TMEM232: variants seen among roughly 807,000 people sequenced by gnomAD.
The protein encoded by TMEM232 is transmembrane protein 232.
Under a neutral mutation model 78.8 loss-of-function variants are expected in TMEM232, and 80 were observed. The observed-to-expected ratio is 1.01, with a 90% CI of 0.85 to 1.22. TMEM232 has a LOEUF of 1.22. Ranked by LOEUF, TMEM232 falls within the 50% of genes most tolerant of loss-of-function variation. The pLI is 0.00. For synonymous variants in TMEM232, 297 were observed against 254.3 expected, an observed-to-expected ratio of 1.17 and a Z score of -1.60; for missense variants, 881 against 742.2, an observed-to-expected ratio of 1.19 and a Z score of -2.17.
chr5:110,576,689 A>G (rs922196720), intron 10 of TMEM232, among the ~76,000 whole-genome samples: 1 of 152,132 alleles, frequency 6.6e-6, no homozygotes, highest in Non-Finnish European at 1.5e-5. Flanking sequence ...AAACAGATAC[A>G]TAGACCAATG....
intron 11 of TMEM232, among the ~76,000 whole-genome samples, chr5:110,550,950 A>C (rs1187577668): frequency 6.9e-6 from 1 of 145,272 alleles, no homozygotes; most frequent in Admixed American, 6.9e-5. Context: ...AAATCCAGCC[A>C]TTTTTTTTTT....
intron 11 of TMEM232, among the ~76,000 whole-genome samples, chr5:110,565,110 T>C (rs956654009): frequency 2.0e-5 from 3 of 151,978 alleles, no homozygotes; most frequent in Non-Finnish European, 2.9e-5. Context: ...TTCATCAACA[T>C]TTGCTGTTGA....
intron 2 of TMEM232, among the ~76,000 whole-genome samples, chr5:110,655,064 T>G (rs968392734): frequency 8.6e-5 from 13 of 151,972 alleles, no homozygotes; most frequent in African/African-American, 2.2e-4. Flanking sequence ...GGGATCTAAT[T>G]AAACTAAAGA....
chr5:110,396,916 A>G (rs1211952500), intron 3 of TMEM232, among the ~76,000 whole-genome samples: 2 of 152,156 alleles, frequency 1.3e-5, no homozygotes, highest in Non-Finnish European at 2.9e-5. Flanking sequence ...AGAAGCAAAG[A>G]GCTGAAAAAC....
intron 12 of TMEM232, 46 bp from the exon 13 acceptor site, chr5:110,424,962 C>G: frequency 7.8e-7 from 1 of 1,288,942 alleles, no homozygotes; most frequent in Non-Finnish European, 1.1e-6. Flanking sequence ...TATAGGTACT[C>G]CTATTCCCCA....
intron 2 of TMEM232, among the ~76,000 whole-genome samples, chr5:110,402,663 G>GT (rs1755645148): frequency 6.6e-6 from 1 of 152,096 alleles, no homozygotes; most frequent in South Asian, 2.1e-4. Context: ...TAGAGTGACA[G>GT]TTCTAACAAC....
rs151038765 is a variant in TMEM232 at position 110,708,944 on chromosome 5, T to C, written c.-13+17683A>G. On this transcript the variant is annotated intron_variant, in intron 1 of 13. Transcript: ENST00000455884. ...AATAAAAAAAAATATAGTGGCCGAA[T>C]GGATGAAAAAACAAGACCTAATGAT... 1.1e-3 allele frequency among the ~76,000 whole-genome samples: 169 copies of C among 151,952 alleles called. 2 individuals carry two copies. The highest frequency in any genetic ancestry group is 3.6e-3 in the African/African-American group (149 of 41,480).
At chr5:110,733,801 T>C (rs968291598) in intron 2 of TMEM232, among the ~76,000 whole-genome samples, 1 of 152,202 alleles carries the variant, frequency 6.6e-6, no homozygotes, top group African/African-American at 2.4e-5. Context: ...TTTAGCTACA[T>C]AATAAACCTG....
intron 11 of TMEM232, among the ~76,000 whole-genome samples, chr5:110,565,373 T>C (rs1375829436): frequency 3.9e-5 from 6 of 151,946 alleles, no homozygotes; most frequent in Admixed American, 3.9e-4. Context: ...AGTAAAAATA[T>C]GCCCAAGGTC....
chr5:110,695,899 C>CT (rs1368781290), intron 1 of TMEM232, among the ~76,000 whole-genome samples: 1 of 152,200 alleles, frequency 6.6e-6, no homozygotes, highest in Non-Finnish European at 1.5e-5. Flanking sequence ...ACCATTCCTT[C>CT]TGAAACTATT....
In TMEM232 at chr5:110,419,763, T is replaced by A. The variant is rs1756461361; in HGVS notation, c.*817A>T. ...CTGTGTGAAATCGAGGTATGAGTAT[T>A]ATCTATATTTTTCAGTTTTCAGGAA... On this transcript the variant is annotated 3_prime_UTR_variant, in exon 14 of 14. Coordinates refer to ENST00000455884, the MANE Select transcript of TMEM232 (RefSeq NM_001039763.4). Among the ~76,000 whole-genome samples the A allele has an allele frequency of 6.6e-6, 1 of 152,102 alleles. No homozygotes were observed. The highest frequency in any genetic ancestry group is 2.1e-4 in the South Asian group (1 of 4,828).
chr5:110,673,245 C>T (rs948226902), intron 1 of TMEM232, among the ~76,000 whole-genome samples: 1 of 148,822 alleles, frequency 6.7e-6, no homozygotes, highest in Non-Finnish European at 1.5e-5. Flanking sequence ...CAGGTGGGAA[C>T]TGAACAATGA....
intron 12 of TMEM232, among the ~76,000 whole-genome samples, chr5:110,522,356 C>T (rs1769659434): frequency 6.6e-6 from 1 of 152,098 alleles, no homozygotes; most frequent in Admixed American, 6.5e-5. Context: ...AAGGTCATAT[C>T]ACCTGAAAAC....
At chr5:110,605,882 T>A (rs922833620) in intron 9 of TMEM232, among the ~76,000 whole-genome samples, 6 of 152,066 alleles carry the variant, frequency 3.9e-5, no homozygotes, top group African/African-American at 1.4e-4. Flanking sequence ...TTACTTATAA[T>A]TAACTGTGAA....
intron 10 of TMEM232, among the ~76,000 whole-genome samples, chr5:110,591,825 A>G (rs1177194064): frequency 6.6e-6 from 1 of 152,166 alleles, no homozygotes; most frequent in Admixed American, 6.5e-5. Flanking sequence ...TATTATGAGA[A>G]AAAATAATTT....
At chr5:110,694,125 C>T (rs889107286) in intron 1 of TMEM232, among the ~76,000 whole-genome samples, 2 of 152,008 alleles carry the variant, frequency 1.3e-5, no homozygotes, top group Non-Finnish European at 2.9e-5. Context: ...ACTCTACAAG[C>T]CAGAAGAGAG....
At chr5:110,496,829 AG>A (rs1465650685) in intron 12 of TMEM232, among the ~76,000 whole-genome samples, 1 of 152,102 alleles carries the variant, frequency 6.6e-6, no homozygotes, top group African/African-American at 2.4e-5. Context: ...TTGATCCTAA[AG>A]AATATAATTC....
chr5:110,701,762 A>G (rs953922284), intron 1 of TMEM232, among the ~76,000 whole-genome samples: 3 of 151,998 alleles, frequency 2.0e-5, no homozygotes, highest in African/African-American at 7.2e-5. Flanking sequence ...ATGCTGAGCT[A>G]AATTTTGAAG....
At chr5:110,560,024 A>T (rs1426291006) in intron 11 of TMEM232, among the ~76,000 whole-genome samples, 1 of 152,136 alleles carries the variant, frequency 6.6e-6, no homozygotes, top group Non-Finnish European at 1.5e-5. Flanking sequence ...CTCCAGTATG[A>T]CCTTGTCTTA....
Sources: gnomAD v4.1 joint callset for allele counts (sites outside exome capture counted in the v4.1 genomes callset) on GRCh38, gnomAD v4.1.1 for gene constraint, MANE v1.5 for transcripts, NCBI Gene and HGNC (gene_info 2026-07-23, HGNC 2026-07-21) for gene names.